Variants in RAPGEF4 observed in about 807,000 individuals in gnomAD.
RAPGEF4 encodes the protein RAP guanine-nucleotide-exchange factor (GEF) 4.
RAPGEF4 carries 66 observed loss-of-function variants against 147.9 expected under a neutral mutation model. That is an observed-to-expected ratio of 0.45 (90% CI 0.37 to 0.55). RAPGEF4 has a LOEUF of 0.55. RAPGEF4 is among the 20% of genes least tolerant of loss of function. RAPGEF4 has a pLI of 0.00. For missense variants in RAPGEF4, 1,071 were observed against 1,257.3 expected, an observed-to-expected ratio of 0.85 and a Z score of 2.24; for synonymous variants, 419 against 442.7, an observed-to-expected ratio of 0.95 and a Z score of 0.67.
chr2:172,742,575 A>G (rs1694392908), intron 1 of RAPGEF4, among the ~76,000 whole-genome samples: 1 of 152,174 alleles, frequency 6.6e-6, no homozygotes. Flanking sequence ...TGTTAGCAAT[A>G]TATTGTTTTT....
At chr2:172,978,881 C>T (rs1691382562) in intron 10 of RAPGEF4, among the ~76,000 whole-genome samples, 1 of 152,172 alleles carries the variant, frequency 6.6e-6, no homozygotes, top group African/African-American at 2.4e-5. Context: ...AATATCTTTT[C>T]TGCCAAACCT....
At chr2:173,009,753 C>T (rs1261249210) in intron 17 of RAPGEF4, among the ~76,000 whole-genome samples, 1 of 152,192 alleles carries the variant, frequency 6.6e-6, no homozygotes, top group Non-Finnish European at 1.5e-5. Flanking sequence ...AGGTATTAAA[C>T]TATAGCAGAT....
intron 4 of RAPGEF4, among the ~76,000 whole-genome samples, chr2:172,901,159 G>A (rs1238610307): frequency 5.9e-5 from 9 of 152,218 alleles, no homozygotes; most frequent in Middle Eastern, 3.4e-3. Context: ...GAATAAAACC[G>A]AAATCATAAG....
intron 1 of RAPGEF4, among the ~76,000 whole-genome samples, chr2:172,755,458 A>G (rs2149452079): frequency 6.6e-6 from 1 of 152,280 alleles, no homozygotes; most frequent in African/African-American, 2.4e-5. Flanking sequence ...GCAGTGGTGC[A>G]ATCTCGGCTC....
chr2:172,946,037 A>G (rs1687643685), intron 6 of RAPGEF4, among the ~76,000 whole-genome samples: 2 of 152,228 alleles, frequency 1.3e-5, no homozygotes, highest in Admixed American at 6.5e-5. Flanking sequence ...AGTTTATAGC[A>G]TATTAATACT....
At chr2:172,779,595 A>G (rs768122900) in intron 1 of RAPGEF4, among the ~76,000 whole-genome samples, 2 of 152,120 alleles carry the variant, frequency 1.3e-5, no homozygotes, top group Non-Finnish European at 2.9e-5. Flanking sequence ...GTGATGTGGA[A>G]ACTTTGGTTT....
At chr2:173,023,939 C>G (rs1372607029) in intron 23 of RAPGEF4, among the ~76,000 whole-genome samples, 1 of 152,214 alleles carries the variant, frequency 6.6e-6, no homozygotes, top group Non-Finnish European at 1.5e-5. Context: ...CTCTGAGAGG[C>G]AGTCGTAAAC....
chr2:172,977,691 T>C (rs1197094402), intron 10 of RAPGEF4, among the ~76,000 whole-genome samples: 1 of 152,198 alleles, frequency 6.6e-6, no homozygotes, highest in Non-Finnish European at 1.5e-5. Flanking sequence ...ACCTCAACTT[T>C]CAATCCTAAT....
At chr2:172,819,240 T>C (rs1266333352) in intron 4 of RAPGEF4, among the ~76,000 whole-genome samples, 3 of 152,100 alleles carry the variant, frequency 2.0e-5, no homozygotes, top group Admixed American at 6.5e-5. Flanking sequence ...TGAATTATGT[T>C]AAGTTTGTTC....
chr2:172,800,512 G>A lies in RAPGEF4; in HGVS notation c.297+2899G>A, dbSNP rs537239321. Among the ~76,000 whole-genome samples, 70 of 152,330 alleles carry A rather than the reference G, an allele frequency of 4.6e-4. 1 individual carries two copies. The South Asian group carries it at 0.011, about 24-fold the overall frequency. ...CAGGGGGATTGTTTATCATGACAGA[G>A]TAGTGCCCCATACAAGTCAGGGTTC... On this transcript the variant is annotated intron_variant, in intron 3 of 30. Transcript: ENST00000397081.
Position 173,051,848 on chromosome 2 carries a change from T to C in RAPGEF4, c.*81T>C. ...GCCATTTATGCTACTACTGACTGTATTGCCACTAGAGAATTCTACAAAACA... is the reference window on the plus strand; with the variant it reads ...GCCATTTATGCTACTACTGACTGTACTGCCACTAGAGAATTCTACAAAACA... On this transcript the variant is annotated 3_prime_UTR_variant, in exon 31 of 31. Coordinates refer to ENST00000397081, the MANE Select transcript of RAPGEF4 (RefSeq NM_007023.4). 1 of 1,516,160 alleles carries C rather than the reference T, an allele frequency of 6.6e-7. No individual in the cohort carries two copies. The highest frequency in any genetic ancestry group is 9.1e-7 in the Non-Finnish European group (1 of 1,104,526). 93.9% of individuals were successfully genotyped at this position (1,516,160 alleles called of 1,614,324 possible).
intron 1 of RAPGEF4, among the ~76,000 whole-genome samples, chr2:172,754,332 A>G (rs777866336): frequency 2.0e-5 from 3 of 152,156 alleles, no homozygotes; most frequent in Non-Finnish European, 2.9e-5. Flanking sequence ...TTATTGTTGG[A>G]CAACTAAGAC....
At chr2:173,029,410 C>G (rs1696970303) in intron 25 of RAPGEF4, among the ~76,000 whole-genome samples, 1 of 152,180 alleles carries the variant, frequency 6.6e-6, no homozygotes. Context: ...TGGGGTTTCT[C>G]TTTCTAAAAA....
Position 173,036,683 on chromosome 2 carries a change from T to G in RAPGEF4, c.2844T>G (p.Phe948Leu). The change falls in exon 29 of 31, where the codon TTT becomes TTG. Residue 948 changes from phenylalanine to leucine, a missense_variant. Phe to Leu is a conservative substitution (Grantham distance 22). Coordinates refer to ENST00000397081, the MANE Select transcript of RAPGEF4 (RefSeq NM_007023.4). ...NKTFIDNLVNFEKMRMIANTA... is the reference protein window; with the variant it reads ...NKTFIDNLVNLEKMRMIANTA... ...CGTTCATTGACAATCTAGTAAACTT[T>G]GAAAAAATGGTATGTGCAGTATTAT... 6.2e-7 allele frequency: 1 copy of G among 1,607,288 alleles called. No homozygotes were observed. Among genetic ancestry groups the G allele is most frequent in the South Asian group, 1.1e-5 (1 of 90,550 alleles).
At chr2:172,754,140 T>C (rs1246755924) in intron 1 of RAPGEF4, among the ~76,000 whole-genome samples, 1 of 152,238 alleles carries the variant, frequency 6.6e-6, no homozygotes, top group Non-Finnish European at 1.5e-5. Context: ...ATTTTTAGCA[T>C]ATTTTCCTGC....
intron 4 of RAPGEF4, chr2:172,889,668 A>C (rs1458077187): frequency 6.2e-6 from 1 of 160,606 alleles, no homozygotes. Flanking sequence ...ATTCTTTCTC[A>C]TTCACTGTGA....
chr2:172,916,571 G>T (rs1396125441), intron 4 of RAPGEF4, among the ~76,000 whole-genome samples: 1 of 152,194 alleles, frequency 6.6e-6, no homozygotes. Flanking sequence ...TGATATATTG[G>T]TCCTGTGGGT....
In RAPGEF4 at chr2:173,020,683, T is replaced by C; in HGVS notation, c.2221T>C (p.Phe741Leu). ...GACGCTCACCATTAATGGACGCCTG[T>C]TTGCTTGCCCGCGAGAGCAATTCGA... ...FTTLTINGRL[F>L]ACPREQFDSL... Residue 741 changes from phenylalanine to leucine, a missense_variant, in exon 23 of 31, where the codon TTT becomes CTT. Physicochemically the swap from Phe to Leu is conservative, Grantham distance 22. Coordinates refer to ENST00000397081, the MANE Select transcript of RAPGEF4 (RefSeq NM_007023.4). 1 of 1,614,014 alleles carries C rather than the reference T, an allele frequency of 6.2e-7. No homozygotes were observed. Among genetic ancestry groups the C allele is most frequent in the Non-Finnish European group, 8.5e-7 (1 of 1,179,960 alleles).
intron 1 of RAPGEF4, among the ~76,000 whole-genome samples, chr2:172,763,095 A>G (rs923487122): frequency 3.3e-5 from 5 of 152,220 alleles, no homozygotes; most frequent in African/African-American, 7.2e-5. Context: ...TTCTAACTTG[A>G]TGAGCCAGTC....
Sources: gnomAD v4.1 joint callset for allele counts (sites outside exome capture counted in the v4.1 genomes callset) on GRCh38, gnomAD v4.1.1 for gene constraint, MANE v1.5 for transcripts, NCBI Gene and HGNC (gene_info 2026-07-23, HGNC 2026-07-21) for gene names.